Variants in YJEFN3 observed in about 807,000 individuals in gnomAD.
The protein encoded by YJEFN3 is yjeF N-terminal domain-containing protein 3.
YJEFN3 carries 29 observed loss-of-function variants against 31.5 expected under a neutral mutation model. The observed-to-expected ratio is 0.92, with a 90% confidence interval of 0.69 to 1.26. YJEFN3 has a LOEUF of 1.26. YJEFN3 is among the 50% of genes most tolerant of loss of function. The pLI is 0.00. For synonymous variants in YJEFN3, 227 were observed against 196.1 expected, an observed-to-expected ratio of 1.16 and a Z score of -1.32; for missense variants, 442 against 425.4, an observed-to-expected ratio of 1.04 and a Z score of -0.34.
rs544033907 is a variant in YJEFN3 at position 19,529,167 on chromosome 19, C to T, written c.59+176C>T. On this transcript the variant is annotated intron_variant, in intron 1 of 6. Coordinates refer to ENST00000514277, the MANE Select transcript of YJEFN3 (RefSeq NM_198537.4). Reference sequence around the variant, plus strand: ...CATGACCACGGTGGGGAACCGGAGGCAGGGATATGGCCAAGACGGGCCTGG... The same window carrying T: ...CATGACCACGGTGGGGAACCGGAGGTAGGGATATGGCCAAGACGGGCCTGG... 7,427 of 1,455,614 alleles carry T rather than the reference C, an allele frequency of 5.1e-3. 41 individuals carry two copies. Among genetic ancestry groups the T allele is most frequent in the Non-Finnish European group, 6.1e-3 (6,707 of 1,103,416 alleles). The allele number at this position is 1,455,614 out of a possible 1,614,324, so 90.2% of individuals were successfully genotyped here. A position where few individuals can be genotyped will look rare whatever the true frequency, so the allele number is the denominator to read the frequency against.
rs1208424735 is a variant in YJEFN3 at position 19,537,522 on chromosome 19, T to C, written c.898T>C (p.Ter300ArgextTer?). 1.3e-6 allele frequency: 2 copies of C among 1,555,990 alleles called. No individual in the cohort carries two copies. The highest frequency in any genetic ancestry group is 2.3e-5 in the East Asian group (1 of 43,464). The change falls in exon 7 of 7, where the codon TGA becomes CGA. Residue 300 changes from the stop codon to arginine (R), a stop_lost. Coordinates refer to ENST00000514277, the MANE Select transcript of YJEFN3 (RefSeq NM_198537.4). Reference sequence around the variant, plus strand: ...GGGCACCGACTGCGTCGCGGCACTGTGACCGCCACCCGCGGCCACACCGCA... The same window carrying C: ...GGGCACCGACTGCGTCGCGGCACTGCGACCGCCACCCGCGGCCACACCGCA... ...YTGTDCVAAL[*>R]
At chr19:19,530,172 G>T (rs907563518) in intron 2 of YJEFN3, among the ~76,000 whole-genome samples, 1 of 152,104 alleles carries the variant, frequency 6.6e-6, no homozygotes, top group Non-Finnish European at 1.5e-5. Flanking sequence ...CGAGTGTCAG[G>T]CCCAGTTCCC....
chr19:19,537,290 C>T, intron 6 of YJEFN3, 29 bp from the exon 7 acceptor site: 1 of 1,543,156 alleles, frequency 6.5e-7, no homozygotes, highest in Non-Finnish European at 8.7e-7. Flanking sequence ...CCTCCCAGTT[C>T]CCAATCCCCC....
rs558283922 is a variant in YJEFN3 at position 19,529,631 on chromosome 19, G to T, written c.209+118G>T. The T allele has an allele frequency of 1.2e-5, 16 of 1,381,994 alleles. No homozygotes were observed. In the Middle Eastern group the frequency reaches 5.5e-4, roughly 48 times the overall value. 85.6% of individuals were successfully genotyped at this position (1,381,994 alleles called of 1,614,324 possible). A position where few individuals can be genotyped will look rare whatever the true frequency, so the allele number is the denominator to read the frequency against. On this transcript the variant is annotated intron_variant, in intron 2 of 6. Transcript: ENST00000514277. ...GTTGACCTCACTGTGAACCAGATGC[G>T]TCCAACAGCTCCTGCCCACTGCCCA...
chr19:19,537,409 G>T lies in YJEFN3; in HGVS notation c.785G>T (p.Arg262Leu). The T allele has an allele frequency of 3.8e-6, 6 of 1,591,336 alleles. No homozygotes were observed. The highest frequency in any genetic ancestry group is 5.1e-6 in the Non-Finnish European group (6 of 1,174,990). Residue 262 changes from arginine to leucine, a missense_variant, in exon 7 of 7, where the codon CGC becomes CTC. Transcript: ENST00000514277. The part of the protein sequence containing the change: ...SLAAPKRCAG[R>L]FSGRHHFVAG... ...GCGGCGCCCAAGCGCTGCGCTGGCC[G>T]CTTCTCCGGGCGCCACCACTTCGTG... is the stretch of plus-strand genomic sequence containing the variant.
At chr19:19,530,680 T>C (rs544130525) in intron 2 of YJEFN3, among the ~76,000 whole-genome samples, 1 of 152,280 alleles carries the variant, frequency 6.6e-6, no homozygotes, top group South Asian at 2.1e-4. Context: ...GCACCTCCTA[T>C]GTGCTTTCCT....
At chr19:19,532,322 G>A (rs1471185865) in intron 2 of YJEFN3, among the ~76,000 whole-genome samples, 1 of 152,248 alleles carries the variant, frequency 6.6e-6, no homozygotes. Flanking sequence ...GGGACGTCTA[G>A]GTCCGGTTCC....
rs1276481825 is a variant in YJEFN3 at position 19,532,616 on chromosome 19, C to T, written c.210-16C>T. On this transcript the variant is annotated splice_polypyrimidine_tract_variant and intron_variant, in intron 2 of 6. Transcript: ENST00000514277. The stretch of plus-strand genomic sequence containing the variant: ...CTCTGTGTGTCTCTGAGTGTCCCAT[C>T]CCACTCTGTCCCCAGCACCGCGGAG... The T allele has an allele frequency of 3.3e-6, 5 of 1,508,370 alleles. No individual in the cohort carries two copies. Among genetic ancestry groups the T allele is most frequent in the Non-Finnish European group, 2.7e-6 (3 of 1,122,694 alleles). The allele number at this position is 1,508,370 out of a possible 1,614,324, so 93.4% of individuals were successfully genotyped here. A position where few individuals can be genotyped will look rare whatever the true frequency, so the allele number is the denominator to read the frequency against.
rs762299997 is a variant in YJEFN3 at position 19,533,909 on chromosome 19, G to C, written c.319-1125G>C. 5.2e-4 allele frequency: 517 copies of C among 985,436 alleles called. 1 individual carries two copies. Among genetic ancestry groups the C allele is most frequent in the Non-Finnish European group, 6.0e-4 (495 of 830,036 alleles). The allele number at this position is 985,436 out of a possible 1,614,324, so 61.0% of individuals were successfully genotyped here. A position where few individuals can be genotyped will look rare whatever the true frequency, so the allele number is the denominator to read the frequency against. On this transcript the variant is annotated intron_variant, in intron 3 of 6. Coordinates refer to ENST00000514277, the MANE Select transcript of YJEFN3 (RefSeq NM_198537.4). ...GTCTTGGGTCTTGGGCTCTGGGCCC[G>C]GTGTGGCTGGGATCGCAGGCATGTT...
intron 3 of YJEFN3, chr19:19,533,975 C>A (rs971841277): frequency 1.0e-6 from 1 of 985,564 alleles, no homozygotes; most frequent in African/African-American, 1.7e-5. Flanking sequence ...GGGGAGGATA[C>A]TTGAAAGGGG....
chr19:19,529,615 A>G (rs2061134398), intron 2 of YJEFN3, 102 bp downstream of exon 2: 2 of 1,492,434 alleles, frequency 1.3e-6, no homozygotes, highest in Non-Finnish European at 1.8e-6. Context: ...TGTTGACCTC[A>G]CTGTGAACCA....
intron 3 of YJEFN3, chr19:19,533,335 G>T: frequency 1.0e-6 from 1 of 985,640 alleles, no homozygotes; most frequent in African/African-American, 1.7e-5. Context: ...TGGTACTGAC[G>T]AGTCAGTCCC....
In YJEFN3 at chr19:19,529,471, C is replaced by T. The variant is rs767063190; in HGVS notation, c.167C>T (p.Ser56Leu). Residue 56 changes from serine to leucine, a missense_variant, in exon 2 of 7, where the codon TCA (serine) becomes TTA (leucine). Physicochemically the swap from Ser to Leu is moderately radical, Grantham distance 145 (BLOSUM62 -2). Transcript: ENST00000514277. ...AGGAAACAGGCCTGGGGAAGGCAGTCATGGCTAGAGCAGATTTGGAACGCA... is the reference window on the plus strand; with the variant it reads ...AGGAAACAGGCCTGGGGAAGGCAGTTATGGCTAGAGCAGATTTGGAACGCA... ...QRRKQAWGRQSWLEQIWNAGP... is the reference protein window; with the variant it reads ...QRRKQAWGRQLWLEQIWNAGP... 32 of 1,614,090 alleles carry T rather than the reference C, an allele frequency of 2.0e-5. No homozygotes were observed. Among genetic ancestry groups the T allele is most frequent in the Non-Finnish European group, 2.7e-5 (32 of 1,180,036 alleles).
chr19:19,529,576 C>G, intron 2 of YJEFN3, 63 bp downstream of exon 2: 2 of 1,570,602 alleles, frequency 1.3e-6, no homozygotes, highest in Non-Finnish European at 1.7e-6. Context: ...TCCTCCTCAG[C>G]CTTTGTGACA....
At chr19:19,533,098 C>G (rs34539063) in intron 3 of YJEFN3, 51,923 of 1,046,970 alleles carry the variant, frequency 0.05, 1,463 homozygotes, top group East Asian at 0.11. Flanking sequence ...CAACCCTGTT[C>G]TGCAGGTGGG....
At chr19:19,530,966 C>T (rs1811728469) in intron 2 of YJEFN3, among the ~76,000 whole-genome samples, 1 of 152,220 alleles carries the variant, frequency 6.6e-6, no homozygotes, top group South Asian at 2.1e-4. Flanking sequence ...CACTCTGCTT[C>T]AGCCTCCCTT....
At chr19:19,535,886 C>T (rs1333377999) in intron 6 of YJEFN3, 1 of 701,362 alleles carries the variant, frequency 1.4e-6, no homozygotes, top group Non-Finnish European at 2.4e-6. Flanking sequence ...TCTCCTCTTT[C>T]CTCCACCCCA....
Position 19,528,971 on chromosome 19 carries a change from C to T in YJEFN3, c.39C>T (p.Pro13=), listed in dbSNP as rs770018012. 17 of 1,550,254 alleles carry T rather than the reference C, an allele frequency of 1.1e-5. No homozygotes were observed. The highest frequency in any genetic ancestry group is 4.4e-6 in the Non-Finnish European group (5 of 1,146,802). The change falls in exon 1 of 7, where the codon CCC becomes CCT. Residue 13 remains proline, a synonymous_variant. Coordinates refer to ENST00000514277, the MANE Select transcript of YJEFN3 (RefSeq NM_198537.4). ...CCGGCCCAGACCCGTCGGAGGCGCC[C>T]GAAGAGCGGCATTTCCTCAGGTCAG... ...SAAGPDPSEA[P]EERHFLRALE...
intron 2 of YJEFN3, among the ~76,000 whole-genome samples, chr19:19,530,980 C>T (rs899706665): frequency 6.6e-6 from 1 of 152,194 alleles, no homozygotes; most frequent in African/African-American, 2.4e-5. Flanking sequence ...CTCCCTTCTG[C>T]CCCTTGAACA....
Sources: allele counts gnomAD v4.1 joint callset (sites outside exome capture counted in the v4.1 genomes callset), GRCh38; gene constraint gnomAD v4.1.1; transcripts MANE v1.5; gene names NCBI Gene and HGNC (gene_info 2026-07-23, HGNC 2026-07-21).